Variants in TRRAP observed in about 807,000 individuals in gnomAD.
TRRAP encodes the protein transformation/transcription domain-associated protein.
A neutral mutation model predicts 438.8 loss-of-function variants in TRRAP; 41 were observed. The ratio of observed to expected loss-of-function variants is 0.09; its 90% confidence interval spans 0.07 to 0.12. The LOEUF (loss-of-function observed/expected upper bound fraction) is 0.12. Ranked by LOEUF, TRRAP falls within the 10% of genes least tolerant of loss-of-function variation. The pLI is 1.00. For missense variants in TRRAP, 3,122 were observed against 5,055.1 expected (o/e 0.62, Z 11.60); for synonymous variants, 1,994 against 1,962.9 (o/e 1.02, Z -0.42).
rs375546769 is a variant in TRRAP, at chr7:98,981,968, C to G, written c.8826+8C>G. The G allele has an allele frequency of 6.4e-7, 1 of 1,567,278 alleles. No homozygotes were observed. Among genetic ancestry groups the G allele is most frequent in the Non-Finnish European group, 8.6e-7 (1 of 1,158,656 alleles). ...CACACGCCTCTCCTACAGGTGCGTGCGGTGCCCCCATGCGAGCACAGGCCT... is the reference window on the plus strand; with the variant it reads ...CACACGCCTCTCCTACAGGTGCGTGGGGTGCCCCCATGCGAGCACAGGCCT... On this transcript the variant is annotated splice_region_variant and intron_variant, in intron 59 of 72. Coordinates refer to ENST00000456197, the MANE Select transcript of TRRAP (RefSeq NM_001375524.1).
intron 39 of TRRAP, 81 bp downstream of exon 39, chr7:98,951,085 G>A (rs1344245492): frequency 7.6e-7 from 1 of 1,321,298 alleles, no homozygotes; most frequent in Non-Finnish European, 9.8e-7. Flanking sequence ...GTGTGTGTGT[G>A]TGTGTGTGTT....
rs3801247 is a variant in TRRAP, at chr7:98,951,965, C to T, written c.5463+961C>T. Among the ~76,000 whole-genome samples, 35 of 152,210 alleles carry T rather than the reference C, an allele frequency of 2.3e-4. No homozygotes were observed. The East Asian group carries it at 5.4e-3, about 24-fold the overall frequency. On this transcript the variant is annotated intron_variant, in intron 39 of 72. Coordinates refer to ENST00000456197, the MANE Select transcript of TRRAP (RefSeq NM_001375524.1). ...CAGATGCTGCTGTGGGGATTTTGAA[C>T]GTCAGGATGAGGAGAAAAGGAGCTG...
In TRRAP at chr7:98,948,802, T is replaced by C; in HGVS notation, c.4788+117T>C. On this transcript the variant is annotated intron_variant, in intron 35 of 72. Coordinates refer to ENST00000456197, the MANE Select transcript of TRRAP (RefSeq NM_001375524.1). This position sits in a 1 kb window ranked among gnomAD's most constrained non-coding sequence, Gnocchi z 4.9. ...GTGTCCTGGCTGCTTTTTTTTCAGA[T>C]CCATTTGAATATTGGAAACAGCATT... is the stretch of plus-strand genomic sequence containing the variant. 6.7e-7 allele frequency: 1 copy of C among 1,503,718 alleles called. No individual in the cohort carries two copies. Among genetic ancestry groups the C allele is most frequent in the Non-Finnish European group, 8.9e-7 (1 of 1,118,722 alleles). 93.1% of individuals were successfully genotyped at this position (1,503,718 alleles called of 1,614,324 possible).
At position 98,967,597 on chromosome 7, in the gene TRRAP, A is replaced by G. The variant is rs757023765; in HGVS notation, c.7411A>G (p.Asn2471Asp). The change falls in exon 51 of 73, where the codon AAC becomes GAC. Residue 2471 changes from asparagine to aspartate, a missense_variant. Physicochemically the swap from Asn to Asp is conservative, Grantham distance 23. This residue lies in a region of TRRAP where 992 missense variants were observed against 1,281.2 expected (regional missense o/e 0.77). Transcript: ENST00000456197. ...GGCAAAGTTTTTCGAGGTTTTTGACAACTCCATGAAACGTCGTGTCTACGA... is the reference window on the plus strand; with the variant it reads ...GGCAAAGTTTTTCGAGGTTTTTGACGACTCCATGAAACGTCGTGTCTACGA... The part of the protein sequence containing the change: ...IRAKFFEVFD[N>D]SMKRRVYERL... The G allele has an allele frequency of 2.1e-5, 34 of 1,614,104 alleles. No individual in the cohort carries two copies. In the South Asian group the frequency reaches 2.9e-4, roughly 14 times the overall value.
chr7:98,982,787 A>T (rs1174754519), intron 59 of TRRAP, among the ~76,000 whole-genome samples: 3 of 152,204 alleles, frequency 2.0e-5, no homozygotes, highest in Non-Finnish European at 4.4e-5. Context: ...TTATGGGTCC[A>T]AAGAGGTCAT....
chr7:98,921,891 G>C lies in TRRAP; in HGVS notation c.2761G>C (p.Gly921Arg), dbSNP rs1485207112. 6.2e-7 allele frequency: 1 copy of C among 1,614,102 alleles called. No individual in the cohort carries two copies. Among genetic ancestry groups the C allele is most frequent in the African/African-American group, 1.3e-5 (1 of 74,938 alleles). Residue 921 changes from glycine to arginine, a missense_variant, in exon 21 of 73, where the codon GGC (glycine) becomes CGC (arginine). This residue lies in a region of TRRAP where 133 missense variants were observed against 188.6 expected (regional missense o/e 0.71). Coordinates refer to ENST00000456197, the MANE Select transcript of TRRAP (RefSeq NM_001375524.1). Reference protein sequence around the residue: ...KLHYVVTEVQGPSITVEFSDC... With the variant: ...KLHYVVTEVQRPSITVEFSDC... ...GCACTACGTTGTGACCGAGGTTCAG[G>C]GCCCCAGCATCACTGTGGAGTTTTC...
chr7:98,984,404 C>T (rs905247594), intron 61 of TRRAP, 46 bp downstream of exon 61: 2 of 1,481,874 alleles, frequency 1.3e-6, no homozygotes, highest in Admixed American at 2.3e-5. Context: ...GAGATTGAGG[C>T]CAGGTGGAGA....
At chr7:98,966,624 G>A (rs1344517619) in intron 49 of TRRAP, among the ~76,000 whole-genome samples, 1 of 152,082 alleles carries the variant, frequency 6.6e-6, no homozygotes, top group Non-Finnish European at 1.5e-5. Context: ...GGCAGAGGTT[G>A]CAGTAAGCCA....
chr7:98,986,767 A>G (rs902355647), intron 62 of TRRAP, among the ~76,000 whole-genome samples: 4 of 152,198 alleles, frequency 2.6e-5, no homozygotes, highest in Non-Finnish European at 4.4e-5. Context: ...CTAAGAAACC[A>G]TACCCTAATC....
chr7:99,003,188 C>T (rs958281026), intron 67 of TRRAP, among the ~76,000 whole-genome samples: 2 of 152,176 alleles, frequency 1.3e-5, no homozygotes, highest in Non-Finnish European at 2.9e-5. Flanking sequence ...AGGCTCCTTC[C>T]AGCACTGGCG....
intron 5 of TRRAP, 80 bp from the exon 6 acceptor site, chr7:98,893,718 T>G: frequency 8.3e-7 from 1 of 1,198,760 alleles, no homozygotes; most frequent in Middle Eastern, 2.5e-4. Flanking sequence ...ATGGAAAGTG[T>G]GTGTGCAGAA....
intron 30 of TRRAP, among the ~76,000 whole-genome samples, chr7:98,938,173 CAAAAAA>C (rs1554414725): frequency 6.6e-6 from 1 of 151,910 alleles, no homozygotes; most frequent in East Asian, 1.9e-4. Context: ...AACTCCATCT[CAAAAAA>C]AGAAAATTAG....
chr7:98,987,035 A>G (rs1228109598), intron 62 of TRRAP, among the ~76,000 whole-genome samples: 2 of 152,196 alleles, frequency 1.3e-5, no homozygotes, highest in Non-Finnish European at 2.9e-5. Context: ...CTGTAATCCT[A>G]GCACTTTGGG....
intron 65 of TRRAP, among the ~76,000 whole-genome samples, chr7:98,993,132 C>T (rs377682874): frequency 2.0e-5 from 3 of 152,162 alleles, no homozygotes; most frequent in Non-Finnish European, 2.9e-5. Flanking sequence ...TAGCAAGGAA[C>T]GTGTAACAGA....
At chr7:98,968,584 T>G (rs1477521204) in intron 51 of TRRAP, among the ~76,000 whole-genome samples, 1 of 152,228 alleles carries the variant, frequency 6.6e-6, no homozygotes, top group Non-Finnish European at 1.5e-5. Flanking sequence ...AGCTTGAGTT[T>G]GCTGTGGCAG....
rs188965370 is a variant in TRRAP at position 98,948,250 on chromosome 7, C to T, written c.4578C>T (p.Asn1526=). 39 of 1,614,190 alleles carry T rather than the reference C, an allele frequency of 2.4e-5. No homozygotes were observed. Among genetic ancestry groups the T allele is most frequent in the Non-Finnish European group, 3.1e-5 (37 of 1,180,042 alleles). The change falls in exon 34 of 73, where the codon AAC becomes AAT. Residue 1526 remains asparagine (N), a synonymous_variant. Coordinates refer to ENST00000456197, the MANE Select transcript of TRRAP (RefSeq NM_001375524.1). The surrounding 1 kb of genome is among the most constrained non-coding windows in gnomAD (Gnocchi z 4.9). ...TGAAGATTTGCTCAGCAATTATAAA[C>T]CTTTTTCATCTGATCCCGGCTGCTC... ...EEMKICSAII[N]LFHLIPAAPQ...
chr7:99,012,500 G>C lies in TRRAP; in HGVS notation c.*145G>C, dbSNP rs113993695. On this transcript the variant is annotated 3_prime_UTR_variant, in exon 73 of 73. Coordinates refer to ENST00000456197, the MANE Select transcript of TRRAP (RefSeq NM_001375524.1). The surrounding 1 kb of genome is among the most constrained non-coding windows in gnomAD (Gnocchi z 5.9). Reference sequence around the variant, plus strand: ...TGCGGTTATTTTCCTGGTAGTTTGCGTGTAAGAAAGGGAGAATATAGTTTT... The same window carrying C: ...TGCGGTTATTTTCCTGGTAGTTTGCCTGTAAGAAAGGGAGAATATAGTTTT... 1.0e-6 allele frequency: 1 copy of C among 995,786 alleles called. No individual in the cohort carries two copies. The allele number at this position is 995,786 out of a possible 1,614,324, so 61.7% of individuals were successfully genotyped here. A position where few individuals can be genotyped will look rare whatever the true frequency, so the allele number is the denominator to read the frequency against.
chr7:98,991,793 T>C (rs1057101872), intron 64 of TRRAP, among the ~76,000 whole-genome samples: 2 of 152,222 alleles, frequency 1.3e-5, no homozygotes, highest in Non-Finnish European at 2.9e-5. Flanking sequence ...ATTTGTTTGT[T>C]TTTTTATTTG....
At chr7:98,915,117 GT>G (rs1789463144) in intron 18 of TRRAP, among the ~76,000 whole-genome samples, 1 of 151,936 alleles carries the variant, frequency 6.6e-6, no homozygotes, top group Non-Finnish European at 1.5e-5. Flanking sequence ...AAACGCTATA[GT>G]CTTCAATGTC....
Sources: allele counts gnomAD v4.1 joint callset (sites outside exome capture counted in the v4.1 genomes callset), GRCh38; gene constraint gnomAD v4.1.1; regional missense constraint gnomAD v4.1.1; non-coding constraint Gnocchi (gnomAD v3.1); transcripts MANE v1.5; gene names NCBI Gene and HGNC (gene_info 2026-07-23, HGNC 2026-07-21).